KCND2: variants seen among roughly 807,000 people sequenced by gnomAD.
KCND2 encodes A-type voltage-gated potassium channel KCND2.
A neutral mutation model predicts 54.4 loss-of-function variants in KCND2; 16 were observed. The observed-to-expected ratio is 0.29, with a 90% CI of 0.20 to 0.45. The LOEUF (loss-of-function observed/expected upper bound fraction) is 0.45. Ranked by LOEUF, KCND2 falls within the 20% of genes least tolerant of loss-of-function variation. KCND2 has a pLI of 1.00. For synonymous variants in KCND2, 317 were observed against 310.7 expected (o/e 1.02, Z -0.21); for missense variants, 486 against 824.2 (o/e 0.59, Z 5.02).
chr7:120,651,355 C>T (rs969618144), intron 1 of KCND2, among the ~76,000 whole-genome samples: 4 of 151,988 alleles, frequency 2.6e-5, no homozygotes, highest in Admixed American at 6.5e-5. Flanking sequence ...CCTTGCAGTT[C>T]GATCTCAGAC....
Position 120,273,312 on chromosome 7 carries a change from C to G in KCND2, c.-1321C>G, listed in dbSNP as rs955078893. 1.3e-5 allele frequency among the ~76,000 whole-genome samples: 2 copies of G among 150,828 alleles called. No homozygotes were observed. Among genetic ancestry groups the G allele is most frequent in the African/African-American group, 4.8e-5 (2 of 41,314 alleles). On this transcript the variant is annotated 5_prime_UTR_variant, in exon 1 of 6. Coordinates refer to ENST00000331113, the MANE Select transcript of KCND2 (RefSeq NM_012281.3). ...GCGGGGAAGCAGCTAGCAGCCCTCC[C>G]GCGCCCCCGCGCTGCCGAGCGCCTT... is the stretch of plus-strand genomic sequence containing the variant.
At chr7:120,557,938 C>G (rs961551409) in intron 1 of KCND2, among the ~76,000 whole-genome samples, 10 of 152,078 alleles carry the variant, frequency 6.6e-5, no homozygotes, top group Admixed American at 5.9e-4. Context: ...ATACCAAATT[C>G]CAAACTCCTG....
Position 120,742,537 on chromosome 7 carries a change from A to T in KCND2, c.1402A>T (p.Ser468Cys). 1 of 1,613,646 alleles carries T rather than the reference A, an allele frequency of 6.2e-7. No homozygotes were observed. The highest frequency in any genetic ancestry group is 8.5e-7 in the Non-Finnish European group (1 of 1,179,632). Residue 468 changes from serine (S) to cysteine (C), a missense_variant, in exon 4 of 6, where the codon AGC (serine) becomes TGC (cysteine). Physicochemically the swap from Ser to Cys is moderately radical, Grantham distance 112. Around this residue, in one of 7 missense-constraint regions of KCND2, gnomAD observed 202 missense variants for 252.7 expected, o/e 0.80. Coordinates refer to ENST00000331113, the MANE Select transcript of KCND2 (RefSeq NM_012281.3). Reference sequence around the variant, plus strand: ...CTCAGAGGATGAGCAGGCTTTTGTTAGCAAATCCGGCTCCAGCTTTGAAAC... The same window carrying T: ...CTCAGAGGATGAGCAGGCTTTTGTTTGCAAATCCGGCTCCAGCTTTGAAAC... The part of the protein sequence containing the change: ...QSSEDEQAFV[S>C]KSGSSFETQH...
At chr7:120,657,129 G>C (rs1052117116) in intron 1 of KCND2, among the ~76,000 whole-genome samples, 1 of 152,080 alleles carries the variant, frequency 6.6e-6, no homozygotes. Flanking sequence ...AGCTATAGCC[G>C]TGTGTCAAGA....
At chr7:120,303,781 T>C (rs1178810906) in intron 1 of KCND2, among the ~76,000 whole-genome samples, 1 of 152,188 alleles carries the variant, frequency 6.6e-6, no homozygotes, top group Non-Finnish European at 1.5e-5. Flanking sequence ...TTTCTTCTGT[T>C]TGTCAATGTA....
rs186241536 is a variant in KCND2 at position 120,634,958 on chromosome 7, G to A, written c.1116-97945G>A. Among the ~76,000 whole-genome samples, 37 of 152,238 alleles carry A rather than the reference G, an allele frequency of 2.4e-4. No homozygotes were observed. In the East Asian group the frequency reaches 7.0e-3, roughly 29 times the overall value. The stretch of plus-strand genomic sequence containing the variant: ...CTTCCTCACATCTCAGCTACATCAT[G>A]CTGTTCCCCTGTCCTGGGATATTCT... On this transcript the variant is annotated intron_variant, in intron 1 of 5. Coordinates refer to ENST00000331113, the MANE Select transcript of KCND2 (RefSeq NM_012281.3).
At chr7:120,552,713 G>A (rs1353605715) in intron 1 of KCND2, among the ~76,000 whole-genome samples, 2 of 151,884 alleles carry the variant, frequency 1.3e-5, no homozygotes, top group African/African-American at 4.8e-5. Flanking sequence ...TCTCACACGA[G>A]GGTCACTCCA....
intron 1 of KCND2, among the ~76,000 whole-genome samples, chr7:120,479,962 C>CAA (rs35246643): frequency 8.3e-4 from 57 of 68,824 alleles, no homozygotes; most frequent in Admixed American, 2.5e-3. Flanking sequence ...GTAAGACTGT[C>CAA]AAAAAAAAAA....
At chr7:120,550,509 A>T (rs193244959) in intron 1 of KCND2, among the ~76,000 whole-genome samples, 2 of 152,292 alleles carry the variant, frequency 1.3e-5, no homozygotes, top group Admixed American at 6.5e-5. Context: ...TTGGCCAAAT[A>T]TCATTGCAGG....
intron 1 of KCND2, among the ~76,000 whole-genome samples, chr7:120,429,664 T>C (rs949380746): frequency 1.3e-5 from 2 of 152,092 alleles, no homozygotes; most frequent in Non-Finnish European, 2.9e-5. Context: ...GTGATTTAGA[T>C]TTGGGTATTT....
intron 1 of KCND2, among the ~76,000 whole-genome samples, chr7:120,392,602 A>G (rs1015373174): frequency 6.6e-6 from 1 of 151,858 alleles, no homozygotes; most frequent in African/African-American, 2.4e-5. Context: ...CCTTATATTT[A>G]CTTTTTCTCT....
chr7:120,470,364 C>G (rs746724412), intron 1 of KCND2, among the ~76,000 whole-genome samples: 2 of 152,098 alleles, frequency 1.3e-5, no homozygotes, highest in Admixed American at 1.3e-4. Flanking sequence ...TTCTTGTAGA[C>G]TCTACCTTTC....
At chr7:120,397,935 A>T (rs7809079) in intron 1 of KCND2, among the ~76,000 whole-genome samples, 8,532 of 148,488 alleles carry the variant, frequency 0.057, 790 homozygotes, top group African/African-American at 0.2. Context: ...AATTTTGAAA[A>T]AAAGTACATA....
At chr7:120,278,775 C>T (rs891428372) in intron 1 of KCND2, among the ~76,000 whole-genome samples, 8 of 151,264 alleles carry the variant, frequency 5.3e-5, no homozygotes, top group Admixed American at 2.0e-4. Flanking sequence ...GAAAAATGAA[C>T]GCTTTAAAAA....
chr7:120,295,364 AC>A (rs1799495197), intron 1 of KCND2, among the ~76,000 whole-genome samples: 1 of 141,490 alleles, frequency 7.1e-6, no homozygotes, highest in Non-Finnish European at 1.5e-5. Context: ...ACACACACAC[AC>A]ACACACACAC....
rs758651064 is a variant in KCND2, at chr7:120,274,674, A to G, written c.42A>G (p.Ala14=). Reference sequence around the variant, plus strand: ...CAGCGTGGCTGCCTTTTGCAAGGGCAGCGGCTATCGGGTGGATGCCTGTGG... The same window carrying G: ...CAGCGTGGCTGCCTTTTGCAAGGGCGGCGGCTATCGGGTGGATGCCTGTGG... The part of the protein sequence containing the change: ...GVAAWLPFAR[A]AAIGWMPVAS... Residue 14 remains alanine (A), a synonymous_variant, in exon 1 of 6, where the codon GCA becomes GCG. Transcript: ENST00000331113. 38 of 1,613,972 alleles carry G rather than the reference A, an allele frequency of 2.4e-5. No individual in the cohort carries two copies. Among genetic ancestry groups the G allele is most frequent in the Admixed American group, 1.3e-4 (8 of 60,016 alleles).
At chr7:120,428,433 G>A (rs576910258) in intron 1 of KCND2, among the ~76,000 whole-genome samples, 3 of 152,286 alleles carry the variant, frequency 2.0e-5, no homozygotes, top group African/African-American at 7.2e-5. Context: ...GGAAATAAGC[G>A]TTAGGAGAAA....
chr7:120,390,160 A>G (rs1378595642), intron 1 of KCND2, among the ~76,000 whole-genome samples: 1 of 151,882 alleles, frequency 6.6e-6, no homozygotes, highest in Non-Finnish European at 1.5e-5. Context: ...ATGAAAATAA[A>G]TAAGACACAA....
intron 1 of KCND2, among the ~76,000 whole-genome samples, chr7:120,569,186 A>G (rs1197485019): frequency 5.9e-5 from 9 of 152,180 alleles, no homozygotes; most frequent in African/African-American, 2.2e-4. Flanking sequence ...TGACCACATC[A>G]TATCTTCCAG....
Sources: gnomAD v4.1 joint callset for allele counts (sites outside exome capture counted in the v4.1 genomes callset) on GRCh38, gnomAD v4.1.1 for gene constraint, gnomAD v4.1.1 regional missense constraint, MANE v1.5 for transcripts, NCBI Gene and HGNC (gene_info 2026-07-23, HGNC 2026-07-21) for gene names.